Variants in MAP2K4 observed in about 807,000 individuals in gnomAD.
MAP2K4 encodes dual specificity mitogen-activated protein kinase kinase 4.
Under a neutral mutation model 48.5 loss-of-function variants are expected in MAP2K4, and 4 were observed. The observed-to-expected ratio is 0.08, with a 90% CI of 0.04 to 0.19. The LOEUF (loss-of-function observed/expected upper bound fraction) is 0.19, where lower values mean the gene tolerates loss of function less well. Ranked by LOEUF, MAP2K4 falls within the 10% of genes least tolerant of loss-of-function variation. The probability of loss-of-function intolerance (pLI) is 1.00; values close to 1 mark genes in which losing one functional copy is unlikely to be tolerated. For missense variants in MAP2K4, 258 were observed against 493.3 expected (o/e 0.52, Z 4.52); for synonymous variants, 166 against 173.1 (o/e 0.96, Z 0.32).
chr17:12,119,902 A>C (rs992685284), intron 7 of MAP2K4, among the ~76,000 whole-genome samples: 30 of 152,206 alleles, frequency 2.0e-4, no homozygotes, highest in African/African-American at 7.0e-4. Flanking sequence ...TTAGCAAACT[A>C]ATGCAGGAAC....
intron 7 of MAP2K4, among the ~76,000 whole-genome samples, chr17:12,116,994 A>AT (rs1423626414): frequency 3.3e-5 from 5 of 152,068 alleles, no homozygotes; most frequent in Non-Finnish European, 7.4e-5. Context: ...GGAGATAGGA[A>AT]TTTTTCAGCT....
At chr17:12,070,442 G>C (rs968825897) in intron 2 of MAP2K4, among the ~76,000 whole-genome samples, 1 of 152,096 alleles carries the variant, frequency 6.6e-6, no homozygotes, top group Non-Finnish European at 1.5e-5. Context: ...CTGTTGATTG[G>C]TGGGCCATTT....
rs139603353 is a variant in MAP2K4, at chr17:12,053,745, G to A, written c.116-1144G>A. Among the ~76,000 whole-genome samples, 281 of 151,896 alleles carry A rather than the reference G, an allele frequency of 1.8e-3. 2 individuals are homozygous for A. Among genetic ancestry groups the A allele is most frequent in the Middle Eastern group, 3.4e-3 (1 of 294 alleles). ...GCTTATCTTTGAAAGCAGATCTAGGGGCCGTGGCAAGGAGCTCTGTGCTCT... is the reference window on the plus strand; with the variant it reads ...GCTTATCTTTGAAAGCAGATCTAGGAGCCGTGGCAAGGAGCTCTGTGCTCT... On this transcript the variant is annotated intron_variant, in intron 1 of 10. Coordinates refer to ENST00000353533, the MANE Select transcript of MAP2K4 (RefSeq NM_003010.4).
intron 7 of MAP2K4, among the ~76,000 whole-genome samples, chr17:12,119,797 G>C (rs1466588159): frequency 6.6e-6 from 1 of 152,190 alleles, no homozygotes; most frequent in Non-Finnish European, 1.5e-5. Context: ...ATACACTGTG[G>C]AATACTCTAC....
At chr17:12,030,649 C>CT (rs925823156) in intron 1 of MAP2K4, among the ~76,000 whole-genome samples, 1 of 152,124 alleles carries the variant, frequency 6.6e-6, no homozygotes, top group Non-Finnish European at 1.5e-5. Context: ...AGCAATGTAA[C>CT]TTTTTTTAAC....
At chr17:12,095,554 T>A (rs1971710642) in intron 3 of MAP2K4, 21 bp from the exon 4 acceptor site, 4 of 1,613,204 alleles carry the variant, frequency 2.5e-6, no homozygotes, top group Non-Finnish European at 3.4e-6. Context: ...TTTTTTGACA[T>A]CTTTTGTCAT....
At chr17:12,028,423 C>A (rs567142675) in intron 1 of MAP2K4, among the ~76,000 whole-genome samples, 44 of 152,220 alleles carry the variant, frequency 2.9e-4, no homozygotes, top group African/African-American at 1.0e-3. Flanking sequence ...AAGAAATAAA[C>A]CATCAGGAAA....
chr17:12,077,947 T>A (rs1399487927), intron 2 of MAP2K4, among the ~76,000 whole-genome samples: 1 of 152,164 alleles, frequency 6.6e-6, no homozygotes, highest in African/African-American at 2.4e-5. Flanking sequence ...AACTCTGTGG[T>A]CTCTCTTCTT....
rs376630875 is a variant in MAP2K4, at chr17:12,093,019, C to T, written c.394-2556C>T. ...CCGGCCTGGGCGAAAGAGCAAGACT[C>T]CGTCTTAAAAAAAAAAGTTAGCTGT... On this transcript the variant is annotated intron_variant, in intron 3 of 10. Transcript: ENST00000353533. Among the ~76,000 whole-genome samples, 62 of 152,160 alleles carry T rather than the reference C, an allele frequency of 4.1e-4. 5 individuals carry two copies. Among genetic ancestry groups the T allele is most frequent in the East Asian group, 3.1e-3 (16 of 5,164 alleles).
chr17:12,139,844 C>T lies in MAP2K4; in HGVS notation c.1046C>T (p.Thr349Met), dbSNP rs755523599. 2 of 1,603,328 alleles carry T rather than the reference C, an allele frequency of 1.2e-6. No individual in the cohort carries two copies. The highest frequency in any genetic ancestry group is 1.7e-5 in the Admixed American group (1 of 59,522). Reference sequence around the variant, plus strand: ...TTATTTTTATGTTATTTTAGCCTTACGAAGGATGAATCCAAAAGGCCAAAG... The same window carrying T: ...TTATTTTTATGTTATTTTAGCCTTATGAAGGATGAATCCAAAAGGCCAAAG... ...SFINFVNLCL[T>M]KDESKRPKYK... is the part of the protein sequence containing the mutation. Residue 349 changes from threonine (T) to methionine (M), a missense_variant, in exon 10 of 11, where the codon ACG (threonine) becomes ATG (methionine). Physicochemically the swap from Thr to Met is moderately conservative, Grantham distance 81. Around this residue, in one of 3 missense-constraint regions of MAP2K4, gnomAD observed 57 missense variants for 84.3 expected, o/e 0.68. Transcript: ENST00000353533.
At chr17:12,113,140 G>C in intron 6 of MAP2K4, 93 bp from the exon 7 acceptor site, 1 of 1,175,620 alleles carries the variant, frequency 8.5e-7, no homozygotes, top group Non-Finnish European at 1.2e-6. Context: ...CACTTATGTT[G>C]TCTAAGGTTT....
intron 3 of MAP2K4, among the ~76,000 whole-genome samples, chr17:12,089,447 A>G (rs1032512503): frequency 1.3e-5 from 2 of 152,190 alleles, no homozygotes; most frequent in African/African-American, 2.4e-5. Flanking sequence ...TCTTGTGTCT[A>G]TTTGTTTTAA....
intron 6 of MAP2K4, among the ~76,000 whole-genome samples, chr17:12,112,019 C>T (rs1322970238): frequency 6.6e-6 from 1 of 152,178 alleles, no homozygotes; most frequent in Non-Finnish European, 1.5e-5. Flanking sequence ...TTTCTTGGCT[C>T]ATTCACCAGA....
intron 9 of MAP2K4, among the ~76,000 whole-genome samples, chr17:12,130,850 T>C (rs903804079): frequency 1.3e-5 from 2 of 152,358 alleles, no homozygotes; most frequent in East Asian, 1.9e-4. Flanking sequence ...GATTTTCTTA[T>C]AATCCAATAT....
intron 1 of MAP2K4, among the ~76,000 whole-genome samples, chr17:12,028,035 C>T (rs960716093): frequency 4.6e-5 from 7 of 152,088 alleles, no homozygotes; most frequent in Admixed American, 1.3e-4. Flanking sequence ...GATATATTTT[C>T]CCATTTAATC....
chr17:12,022,453 G>A (rs1011774972), intron 1 of MAP2K4, among the ~76,000 whole-genome samples: 9 of 152,138 alleles, frequency 5.9e-5, no homozygotes, highest in Non-Finnish European at 8.8e-5. Flanking sequence ...TACAATTTAG[G>A]TGGTGGTGGT....
intron 8 of MAP2K4, 43 bp downstream of exon 8, chr17:12,125,414 T>C (rs28921068): frequency 6.6e-7 from 1 of 1,511,896 alleles, no homozygotes; most frequent in Non-Finnish European, 9.2e-7. Flanking sequence ...AGCGTAACAA[T>C]AAGAAATTTA....
At chr17:12,079,510 C>T (rs546110511) in intron 2 of MAP2K4, among the ~76,000 whole-genome samples, 1 of 152,244 alleles carries the variant, frequency 6.6e-6, no homozygotes, top group South Asian at 2.1e-4. Flanking sequence ...AAGAAATATG[C>T]CTACACAAAA....
At chr17:12,057,875 T>A (rs1970329571) in intron 2 of MAP2K4, among the ~76,000 whole-genome samples, 1 of 152,168 alleles carries the variant, frequency 6.6e-6, no homozygotes, top group Admixed American at 6.5e-5. Context: ...AATTTAAAAA[T>A]TCTTTTCTGT....
Sources: allele counts gnomAD v4.1 joint callset (sites outside exome capture counted in the v4.1 genomes callset), GRCh38; gene constraint gnomAD v4.1.1; regional missense constraint gnomAD v4.1.1; transcripts MANE v1.5; gene names NCBI Gene and HGNC (gene_info 2026-07-23, HGNC 2026-07-21).